The following DOCK8 variants were observed in gnomAD, a reference collection of about 807,000 sequenced individuals.
DOCK8 encodes dedicator of cytokinesis 8.
DOCK8 carries 141 observed loss-of-function variants against 245.6 expected under a neutral mutation model. That is an observed-to-expected ratio of 0.57 (90% CI 0.50 to 0.66). DOCK8 has a LOEUF of 0.66. Among genes scored for constraint, DOCK8 ranks in the 30% least tolerant of loss-of-function variants. The pLI is 0.00. For missense variants in DOCK8, 2,965 were observed against 2,603.4 expected (o/e 1.14, Z -3.02); for synonymous variants, 1,168 against 970.2 (o/e 1.20, Z -3.79).
intron 1 of DOCK8, among the ~76,000 whole-genome samples, chr9:239,815 C>A (rs889480201): frequency 1.1e-4 from 17 of 152,236 alleles, no homozygotes; most frequent in African/African-American, 3.9e-4. Context: ...TCATAACCTG[C>A]TTTTTTATTT....
At chr9:325,449 G>A (rs1186473515) in intron 7 of DOCK8, among the ~76,000 whole-genome samples, 1 of 152,144 alleles carries the variant, frequency 6.6e-6, no homozygotes, top group Non-Finnish European at 1.5e-5. Context: ...TATCCACCAT[G>A]CTTTTGTAAT....
At chr9:400,947 T>C (rs1057110601) in intron 26 of DOCK8, among the ~76,000 whole-genome samples, 661 of 28,016 alleles carry the variant, frequency 0.024, 10 homozygotes, top group African/African-American at 0.029. Flanking sequence ...ACCACCACCA[T>C]CACCACCACC....
intron 1 of DOCK8, among the ~76,000 whole-genome samples, chr9:217,475 T>C (rs772291730): frequency 2.0e-5 from 3 of 152,220 alleles, no homozygotes; most frequent in Non-Finnish European, 4.4e-5. Flanking sequence ...TGATGAAATC[T>C]GATCAAGAAG....
chr9:255,658 A>T (rs2047751763), intron 1 of DOCK8, among the ~76,000 whole-genome samples: 1 of 113,314 alleles, frequency 8.8e-6, no homozygotes, highest in African/African-American at 3.6e-5. Flanking sequence ...ATAGAGCAAG[A>T]CTCCATCTCC....
At chr9:441,723 A>C in intron 41 of DOCK8, 152 bp from the exon 42 acceptor site, 1 of 994,794 alleles carries the variant, frequency 1.0e-6, no homozygotes, top group Admixed American at 2.6e-5. Flanking sequence ...TTATTCCATA[A>C]GCATTAAATT....
intron 25 of DOCK8, 139 bp downstream of exon 25, chr9:397,073 C>G (rs2054496953): frequency 4.8e-6 from 5 of 1,043,928 alleles, no homozygotes; most frequent in Non-Finnish European, 7.0e-6. Context: ...GTATGTTATA[C>G]TGGACTGGAC....
intron 6 of DOCK8, chr9:314,280 T>A (rs914899634): frequency 2.0e-5 from 3 of 152,254 alleles, no homozygotes; most frequent in Non-Finnish European, 2.9e-5. Flanking sequence ...CTTTCCTTCC[T>A]CTTCCTCTCA....
In DOCK8 at chr9:242,807, CTTG is replaced by C. The variant is rs532615833; in HGVS notation, c.53+27781_53+27783del. Among the ~76,000 whole-genome samples the C allele has an allele frequency of 2.5e-4, 37 of 150,082 alleles. No individual in the cohort carries two copies. In the South Asian group the frequency reaches 7.8e-3, roughly 32 times the overall value. ...CTGGCCTTCCACGGAATCTGTTGAGCTTGTTTTTTTTTTTTTTCCATATGCCAT... is the reference window on the plus strand; with the variant it reads ...CTGGCCTTCCACGGAATCTGTTGAGCTTTTTTTTTTTTTTCCATATGCCAT... On this transcript the variant is annotated intron_variant, in intron 1 of 47. Transcript: ENST00000432829.
intron 46 of DOCK8, among the ~76,000 whole-genome samples, chr9:461,993 T>G (rs1245883433): frequency 1.3e-5 from 2 of 152,058 alleles, no homozygotes; most frequent in Non-Finnish European, 2.9e-5. Context: ...GTTACATGAT[T>G]ACTTAGGATT....
At chr9:251,446 C>A (rs753550067) in intron 1 of DOCK8, among the ~76,000 whole-genome samples, 9 of 152,164 alleles carry the variant, frequency 5.9e-5, no homozygotes, top group Non-Finnish European at 1.0e-4. Context: ...AAGCTAAAAC[C>A]TGCTCTTTTT....
chr9:269,904 T>C (rs2129912860), intron 1 of DOCK8, among the ~76,000 whole-genome samples: 1 of 152,334 alleles, frequency 6.6e-6, no homozygotes. Flanking sequence ...TGAGTGGAAT[T>C]GCTGGGATAC....
intron 42 of DOCK8, among the ~76,000 whole-genome samples, chr9:443,221 T>C (rs1221823307): frequency 1.3e-5 from 2 of 152,176 alleles, no homozygotes; most frequent in African/African-American, 4.8e-5. Flanking sequence ...ATACATCTTA[T>C]AGGGAAGCAT....
intron 16 of DOCK8, 118 bp from the exon 17 acceptor site, chr9:371,310 A>G: frequency 8.1e-7 from 1 of 1,231,544 alleles, no homozygotes; most frequent in Non-Finnish European, 1.2e-6. Flanking sequence ...GAGTAATGTA[A>G]AATGAAAAGC....
Position 451,973 on chromosome 9 carries a change from ATATATTTTTTTTTTTTT to A in DOCK8, c.5962-36_5962-20del, listed in dbSNP as rs1323013132. 2.7e-4 allele frequency: 101 copies of A among 369,894 alleles called. 1 individual carries two copies. Among genetic ancestry groups the A allele is most frequent in the South Asian group, 7.6e-4 (22 of 29,062 alleles). The allele number at this position is 369,894 out of a possible 1,614,324, so 22.9% of individuals were successfully genotyped here. On this transcript the variant is annotated intron_variant, in intron 45 of 47. Transcript: ENST00000432829. ...TGTGTGTGTATATATATATATATAT[ATATATTTTTTTTTTTTT>A]TTTTTTTTTTTTCCCACCAGGGACC...
At chr9:286,117 G>A (rs776718581) in intron 2 of DOCK8, among the ~76,000 whole-genome samples, 3 of 152,146 alleles carry the variant, frequency 2.0e-5, no homozygotes, top group Non-Finnish European at 4.4e-5. Flanking sequence ...ACATGGCCTC[G>A]GAGAGCCTTT....
intron 28 of DOCK8, among the ~76,000 whole-genome samples, 156 bp from the exon 29 acceptor site, chr9:414,626 G>C (rs958074554): frequency 5.9e-5 from 9 of 152,216 alleles, no homozygotes; most frequent in Admixed American, 1.3e-4. Context: ...AACACAGGCA[G>C]TCTGTTTCTG....
Position 443,466 on chromosome 9 carries a change from G to C in DOCK8, c.5530G>C (p.Val1844Leu). The stretch of plus-strand genomic sequence containing the variant: ...ATGTTTTGGTGCAGAATTTGTGGAA[G>C]TGATTAAAGACTCCACTCCTGTGGA... ...GQCFGAEFVE[V>L]IKDSTPVDKT... Residue 1844 changes from valine (V) to leucine (L), a missense_variant, in exon 43 of 48, where the codon GTG becomes CTG. This residue lies in a region of DOCK8 where 2,825 missense variants were observed against 2,453.5 expected (regional missense o/e 1.15). Coordinates refer to ENST00000432829, the MANE Select transcript of DOCK8 (RefSeq NM_203447.4). 1 of 1,614,082 alleles carries C rather than the reference G, an allele frequency of 6.2e-7. No individual in the cohort carries two copies. Among genetic ancestry groups the C allele is most frequent in the Non-Finnish European group, 8.5e-7 (1 of 1,180,000 alleles).
At chr9:333,302 T>C (rs2051114957) in intron 10 of DOCK8, among the ~76,000 whole-genome samples, 1 of 152,252 alleles carries the variant, frequency 6.6e-6, no homozygotes, top group African/African-American at 2.4e-5. Flanking sequence ...CCCAGTGTGA[T>C]TTTTAAAACA....
At chr9:272,624 C>T (rs532388688) in intron 2 of DOCK8, among the ~76,000 whole-genome samples, 2 of 152,216 alleles carry the variant, frequency 1.3e-5, no homozygotes, top group African/African-American at 2.4e-5. Flanking sequence ...TGGGCTCAAG[C>T]GATCCTCCTG....
Sources: gnomAD v4.1 joint callset for allele counts (sites outside exome capture counted in the v4.1 genomes callset) on GRCh38, gnomAD v4.1.1 for gene constraint, gnomAD v4.1.1 regional missense constraint, MANE v1.5 for transcripts, NCBI Gene and HGNC (gene_info 2026-07-23, HGNC 2026-07-21) for gene names.